Variants in MIA2 observed in about 807,000 individuals in gnomAD.
MIA2 encodes melanoma inhibitory activity protein 2.
In MIA2, 127 loss-of-function variants were observed where a neutral mutation model predicts 167.8. The ratio of observed to expected loss-of-function variants is 0.76; its 90% confidence interval spans 0.66 to 0.88. The LOEUF (loss-of-function observed/expected upper bound fraction) is 0.88. MIA2 is among the 40% of genes least tolerant of loss of function. The pLI is 0.00. For synonymous variants in MIA2, 552 were observed against 541.9 expected, an observed-to-expected ratio of 1.02 and a Z score of -0.26; for missense variants, 1,690 against 1,624.7, an observed-to-expected ratio of 1.04 and a Z score of -0.69.
downstream of MIA2, among the ~76,000 whole-genome samples, chr14:39,353,359 T>C (rs2074440859): frequency 6.6e-6 from 1 of 152,170 alleles, no homozygotes; most frequent in Non-Finnish European, 1.5e-5. Flanking sequence ...AAAAGCCCTT[T>C]CCAGTCTCTG....
At position 39,288,456 on chromosome 14, in the gene MIA2, T is replaced by C. The variant is rs1243702284; in HGVS notation, c.2131-2563T>C. Among the ~76,000 whole-genome samples, 6 of 14,350 alleles carry C rather than the reference T, an allele frequency of 4.2e-4. 1 individual carries two copies. Among genetic ancestry groups the C allele is most frequent in the African/African-American group, 9.3e-4 (5 of 5,402 alleles). The allele number at this position is 14,350 out of a possible 152,430, so 9.4% of individuals were successfully genotyped here. Reference sequence around the variant, plus strand: ...ACATATATATATATATATATATATATATATATATATATATATATATTTTTT... The same window carrying C: ...ACATATATATATATATATATATATACATATATATATATATATATATTTTTT... On this transcript the variant is annotated intron_variant, in intron 9 of 28. Transcript: ENST00000640607.
At chr14:39,286,546 A>C (rs1029959792) in intron 9 of MIA2, among the ~76,000 whole-genome samples, 2 of 152,164 alleles carry the variant, frequency 1.3e-5, no homozygotes, top group African/African-American at 4.8e-5. Flanking sequence ...TATATCCTGC[A>C]TCTTTACTGA....
chr14:39,323,539 TATA>T (rs148567310), intron 24 of MIA2, among the ~76,000 whole-genome samples: 2,911 of 146,434 alleles, frequency 0.02, 103 homozygotes, highest in African/African-American at 0.07. Context: ...ATGATTGAAA[TATA>T]ATTGAAACCG....
At chr14:39,309,944 AT>A (rs34259123) in intron 18 of MIA2, among the ~76,000 whole-genome samples, 41,436 of 149,012 alleles carry the variant, frequency 0.28, 5,681 homozygotes, top group Middle Eastern at 0.32. Context: ...CATGGCATGT[AT>A]TTTTTTTTTT....
At chr14:39,376,717 C>A (rs6571929) in intron 23 of MIA2, among the ~76,000 whole-genome samples, 86,446 of 152,036 alleles carry the variant, frequency 0.57, 26,030 homozygotes, top group African/African-American at 0.78. Flanking sequence ...CCTTTCTCCA[C>A]AGATGATTTT....
rs763645570 is a variant in MIA2, at chr14:39,291,092, T to G, written c.2204T>G (p.Leu735Trp). 6 of 1,599,926 alleles carry G rather than the reference T, an allele frequency of 3.8e-6. No individual in the cohort carries two copies. The African/African-American group carries it at 4.1e-5, about 11-fold the overall frequency. Residue 735 changes from leucine to tryptophan, a missense_variant, in exon 10 of 29, where the codon TTG becomes TGG. Coordinates refer to ENST00000640607, the MANE Select transcript of MIA2 (RefSeq NM_001329214.4). ...FEKEATEAQS[L>W]EATCEKLNRS... The stretch of plus-strand genomic sequence containing the variant: ...AAGGAGGCAACAGAAGCACAAAGTT[T>G]GGAGGTAGAAAATCAAATGGTATAA...
intron 15 of MIA2, 52 bp from the exon 16 acceptor site, chr14:39,303,423 TGTC>T (rs2062835975): frequency 1.6e-6 from 2 of 1,273,952 alleles, no homozygotes; most frequent in African/African-American, 3.0e-5. Flanking sequence ...TGATGTCTAT[TGTC>T]GTATTGTACT....
At chr14:39,292,650 G>T (rs1290245187) in intron 10 of MIA2, 1 of 304,072 alleles carries the variant, frequency 3.3e-6, no homozygotes, top group Admixed American at 5.0e-5. Flanking sequence ...TAAAATCTTT[G>T]AATCTTTTGG....
At chr14:39,268,873 C>G (rs971242118) in intron 6 of MIA2, 3 of 337,706 alleles carry the variant, frequency 8.9e-6, no homozygotes, top group Non-Finnish European at 1.3e-5. Context: ...TCCCAGGTTT[C>G]TGGCTGTGGT....
Position 39,265,247 on chromosome 14 carries a change from T to G in MIA2, c.1888-11687T>G, listed in dbSNP as rs1047304530. The stretch of plus-strand genomic sequence containing the variant: ...GTCACAACTCCACCTGTAGCACCCC[T>G]TTACCACACAAATGTCAAAACGGGA... On this transcript the variant is annotated intron_variant, in intron 6 of 28. Transcript: ENST00000640607. The G allele has an allele frequency of 1.0e-5, 7 of 683,298 alleles. No individual in the cohort carries two copies. In the African/African-American group the frequency reaches 1.3e-4, roughly 13 times the overall value. 42.3% of individuals were successfully genotyped at this position (683,298 alleles called of 1,614,324 possible).
Position 39,293,522 on chromosome 14 carries a change from G to T in MIA2, c.2319+141G>T, listed in dbSNP as rs2061007304. The T allele has an allele frequency of 7.0e-6, 4 of 570,800 alleles. No individual in the cohort carries two copies. The South Asian group carries it at 1.1e-4, about 16-fold the overall frequency. 35.4% of individuals were successfully genotyped at this position (570,800 alleles called of 1,614,324 possible). ...TGGTTGTAGAGAGCAAAATTTTCTA[G>T]ATCCATTCTTTTCACTTCCCCCAGA... is the stretch of plus-strand genomic sequence containing the variant. On this transcript the variant is annotated intron_variant, in intron 11 of 28. Transcript: ENST00000640607.
intron 6 of MIA2, chr14:39,266,790 G>A (rs1049021185): frequency 9.1e-6 from 8 of 882,660 alleles, no homozygotes; most frequent in East Asian, 2.5e-4. Flanking sequence ...CGAGGCTGCG[G>A]AAGGAAAGCC....
At chr14:39,309,565 A>G (rs1017143620) in intron 18 of MIA2, among the ~76,000 whole-genome samples, 1 of 152,180 alleles carries the variant, frequency 6.6e-6, no homozygotes, top group Non-Finnish European at 1.5e-5. Context: ...CTGGGTTCAA[A>G]TGTTACCTCA....
In MIA2 at chr14:39,233,926, G is replaced by C. The variant is rs1171846014; in HGVS notation, c.-189G>C. Reference sequence around the variant, plus strand: ...TGACACTGCAGATTGAAAACAGACAGTGTTTGTCTCTCAAGTTAAACCAAC... The same window carrying C: ...TGACACTGCAGATTGAAAACAGACACTGTTTGTCTCTCAAGTTAAACCAAC... On this transcript the variant is annotated 5_prime_UTR_variant, in exon 1 of 29. Transcript: ENST00000640607. The C allele has an allele frequency of 2.1e-6, 1 of 475,656 alleles. No individual in the cohort carries two copies. The highest frequency in any genetic ancestry group is 3.7e-6 in the Non-Finnish European group (1 of 269,826). 29.5% of individuals were successfully genotyped at this position (475,656 alleles called of 1,614,324 possible).
intron 6 of MIA2, 164 bp from the exon 7 acceptor site, chr14:39,276,770 C>T (rs964411987): frequency 2.5e-5 from 16 of 633,700 alleles, no homozygotes; most frequent in Admixed American, 9.2e-5. Flanking sequence ...CTTTACTTGG[C>T]GATAGTGATT....
In MIA2 at chr14:39,385,385, G is replaced by A. The variant is rs1426573440; in HGVS notation, c.2249-1500G>A. On this transcript the variant is annotated intron_variant, in intron 23 of 23. Transcript: ENST00000341502. ...ACAAGACATTCATAAACTATAAGGT[G>A]GAGAGGTCATACTCAGGCAGGTTCT... The A allele has an allele frequency of 1.7e-5, 20 of 1,163,818 alleles. No homozygotes were observed. The East Asian group carries it at 4.7e-4, about 27-fold the overall frequency. The allele number at this position is 1,163,818 out of a possible 1,614,324, so 72.1% of individuals were successfully genotyped here.
At chr14:39,301,958 ATGTT>A (rs1213189493) in intron 14 of MIA2, among the ~76,000 whole-genome samples, 167 bp from the exon 15 acceptor site, 2 of 152,224 alleles carry the variant, frequency 1.3e-5, no homozygotes, top group Non-Finnish European at 1.5e-5. Context: ...TAGTCAATAA[ATGTT>A]ACCATTTCTC....
At chr14:39,328,271 T>C (rs1473673599) in intron 25 of MIA2, among the ~76,000 whole-genome samples, 3 of 152,236 alleles carry the variant, frequency 2.0e-5, no homozygotes, top group Non-Finnish European at 4.4e-5. Context: ...TGTCTTCTTT[T>C]GAGAAGTGTC....
chr14:39,380,599 A>G (rs1391719494), intron 23 of MIA2, among the ~76,000 whole-genome samples: 1 of 150,424 alleles, frequency 6.6e-6, no homozygotes, highest in African/African-American at 2.4e-5. Context: ...AGGCTGAGGC[A>G]GGAGAATTGC....
Sources: gnomAD v4.1 joint callset for allele counts (sites outside exome capture counted in the v4.1 genomes callset) on GRCh38, gnomAD v4.1.1 for gene constraint, MANE v1.5 for transcripts, NCBI Gene and HGNC (gene_info 2026-07-23, HGNC 2026-07-21) for gene names.